ERI3: variants seen among roughly 807,000 people sequenced by gnomAD.
ERI3 encodes ERI1 exoribonuclease 3.
Under a neutral mutation model 44.4 loss-of-function variants are expected in ERI3, and 18 were observed. That is an observed-to-expected ratio of 0.41 (90% confidence interval 0.28 to 0.60). ERI3 has a LOEUF of 0.60. ERI3 is among the 20% of genes least tolerant of loss of function. The probability of loss-of-function intolerance (pLI) is 0.36; values close to 1 mark genes in which losing one functional copy is unlikely to be tolerated. For synonymous variants in ERI3, 183 were observed against 164.8 expected (o/e 1.11, Z -0.84); for missense variants, 294 against 435.5 (o/e 0.68, Z 2.89).
At chr1:44,277,933 G>A (rs1645211092) in intron 7 of ERI3, among the ~76,000 whole-genome samples, 1 of 152,122 alleles carries the variant, frequency 6.6e-6, no homozygotes, top group African/African-American at 2.4e-5. Context: ...GCACAGCACT[G>A]TCCAATAGAA....
chr1:44,285,319 A>G (rs1443078923), intron 6 of ERI3, among the ~76,000 whole-genome samples: 1 of 152,234 alleles, frequency 6.6e-6, no homozygotes, highest in Non-Finnish European at 1.5e-5. Flanking sequence ...GATAGTGCCA[A>G]GAACTGAACC....
intron 2 of ERI3, among the ~76,000 whole-genome samples, chr1:44,348,130 G>A (rs1377353959): frequency 3.3e-5 from 5 of 152,072 alleles, no homozygotes; most frequent in Non-Finnish European, 5.9e-5. Context: ...AACAGAGCAG[G>A]GCCTAAGCAG....
intron 6 of ERI3, among the ~76,000 whole-genome samples, chr1:44,286,294 G>A (rs1645392406): frequency 6.6e-6 from 1 of 152,194 alleles, no homozygotes; most frequent in African/African-American, 2.4e-5. Context: ...GGAAGCATGA[G>A]TTTGGGAATG....
chr1:44,312,613 G>A (rs1645996838), intron 5 of ERI3, among the ~76,000 whole-genome samples: 1 of 152,192 alleles, frequency 6.6e-6, no homozygotes, highest in Non-Finnish European at 1.5e-5. Flanking sequence ...TTCTGATTAG[G>A]AATCATTACC....
intron 8 of ERI3, among the ~76,000 whole-genome samples, chr1:44,229,985 C>G (rs546049609): frequency 6.6e-6 from 1 of 152,224 alleles, no homozygotes; most frequent in South Asian, 2.1e-4. Flanking sequence ...GGACCACTCA[C>G]GCGACTCCCA....
At chr1:44,286,150 T>G (rs974856370) in intron 6 of ERI3, among the ~76,000 whole-genome samples, 2 of 152,232 alleles carry the variant, frequency 1.3e-5, no homozygotes, top group African/African-American at 4.8e-5. Flanking sequence ...GGAGAGCCTA[T>G]GTGACATCTG....
intron 7 of ERI3, among the ~76,000 whole-genome samples, chr1:44,263,174 A>T (rs1001473403): frequency 1.3e-5 from 2 of 152,120 alleles, no homozygotes; most frequent in African/African-American, 4.8e-5. Context: ...ACTTTTTTCT[A>T]TTTCACTAGC....
chr1:44,248,118 C>T (rs1388721218), intron 7 of ERI3, 80 bp from the exon 8 acceptor site: 3 of 908,890 alleles, frequency 3.3e-6, no homozygotes, highest in African/African-American at 3.4e-5. Flanking sequence ...CCCCCCACCC[C>T]CCAAATCTTT....
chr1:44,285,423 G>T (rs983594241), intron 6 of ERI3, among the ~76,000 whole-genome samples: 2 of 152,196 alleles, frequency 1.3e-5, no homozygotes, highest in African/African-American at 4.8e-5. Context: ...TAGGAGGAGA[G>T]AAAGGCAGAG....
intron 2 of ERI3, among the ~76,000 whole-genome samples, chr1:44,350,942 A>T (rs915212376): frequency 6.6e-6 from 1 of 152,110 alleles, no homozygotes; most frequent in Non-Finnish European, 1.5e-5. Flanking sequence ...ATAAAATGCT[A>T]TCCACGTAAT....
intron 6 of ERI3, among the ~76,000 whole-genome samples, chr1:44,295,083 G>C (rs2154325302): frequency 6.6e-6 from 1 of 152,298 alleles, no homozygotes; most frequent in South Asian, 2.1e-4. Flanking sequence ...CCTATACAGA[G>C]TAAGACTTCT....
At chr1:44,281,550 C>T (rs951049327) in intron 7 of ERI3, among the ~76,000 whole-genome samples, 29 of 144,648 alleles carry the variant, frequency 2.0e-4, no homozygotes, top group Admixed American at 1.6e-3. Context: ...TTTATACTAC[C>T]GCATTCTAGC....
At chr1:44,268,489 AAAATAAATAAAAACCTAC>A (rs1645031817) in intron 7 of ERI3, among the ~76,000 whole-genome samples, 1 of 152,218 alleles carries the variant, frequency 6.6e-6, no homozygotes, top group Admixed American at 6.5e-5. Flanking sequence ...ATTAATGGGA[AAAATAAATAAAAACCTAC>A]TACAATCCCA....
At chr1:44,242,468 A>G (rs1213953193) in intron 8 of ERI3, among the ~76,000 whole-genome samples, 1 of 152,190 alleles carries the variant, frequency 6.6e-6, no homozygotes, top group Non-Finnish European at 1.5e-5. Context: ...CAAGGTCCTC[A>G]CATTCTTCCT....
chr1:44,354,994 C>T lies in ERI3; in HGVS notation c.33G>A (p.Gly11=). 7.3e-7 allele frequency: 1 copy of T among 1,375,628 alleles called. No individual in the cohort carries two copies. Among genetic ancestry groups the T allele is most frequent in the African/African-American group, 1.5e-5 (1 of 66,936 alleles). The allele number at this position is 1,375,628 out of a possible 1,614,324, so 85.2% of individuals were successfully genotyped here. A position where few individuals can be genotyped will look rare whatever the true frequency, so the allele number is the denominator to read the frequency against. Residue 11 remains glycine (G), a synonymous_variant, in exon 1 of 9, where the codon GGG becomes GGA. Coordinates refer to ENST00000372257, the MANE Select transcript of ERI3 (RefSeq NM_024066.3). The part of the protein sequence containing the change: MATASPAADG[G]RGRPWEGGLV... ...GCCCTCCTTCCCAGGGCCGCCCCCG[C>T]CCCCCGTCAGCAGCGGGAGAGGCTG...
intron 7 of ERI3, among the ~76,000 whole-genome samples, chr1:44,281,149 CCTA>C (rs1246466327): frequency 6.6e-6 from 1 of 152,158 alleles, no homozygotes; most frequent in Non-Finnish European, 1.5e-5. Flanking sequence ...CTGACCCTAC[CCTA>C]CTAAGTTAGT....
rs1553189559 is a variant in ERI3, at chr1:44,281,601, A to AT, written c.831+3233_831+3234insA. On this transcript the variant is annotated intron_variant, in intron 7 of 8. Coordinates refer to ENST00000372257, the MANE Select transcript of ERI3 (RefSeq NM_024066.3). ...AGACCCCGTCTCGAAAAAAAAAAAAAATATATATATATATATATAATATAT... is the reference window on the plus strand; with the variant it reads ...AGACCCCGTCTCGAAAAAAAAAAAAATATATATATATATATATATAATATAT... 3.5e-3 allele frequency among the ~76,000 whole-genome samples: 453 copies of AT among 128,004 alleles called. 4 individuals are homozygous for AT. Among genetic ancestry groups the AT allele is most frequent in the South Asian group, 6.3e-3 (26 of 4,126 alleles). 84.0% of individuals were successfully genotyped at this position (128,004 alleles called of 152,430 possible). A position where few individuals can be genotyped will look rare whatever the true frequency, so the allele number is the denominator to read the frequency against.
At chr1:44,319,922 C>T (rs1646165635) in intron 3 of ERI3, among the ~76,000 whole-genome samples, 178 bp from the exon 4 acceptor site, 1 of 152,212 alleles carries the variant, frequency 6.6e-6, no homozygotes, top group African/African-American at 2.4e-5. Context: ...ACAATCCTAA[C>T]CTTCCCACTG....
intron 6 of ERI3, among the ~76,000 whole-genome samples, chr1:44,289,847 G>T (rs1645468659): frequency 6.6e-6 from 1 of 152,258 alleles, no homozygotes; most frequent in Non-Finnish European, 1.5e-5. Flanking sequence ...GGCAGATGTG[G>T]GGGAGAGCTG....
Sources: allele counts gnomAD v4.1 joint callset (sites outside exome capture counted in the v4.1 genomes callset), GRCh38; gene constraint gnomAD v4.1.1; transcripts MANE v1.5; gene names NCBI Gene and HGNC (gene_info 2026-07-23, HGNC 2026-07-21).